Variants in NSUN6 observed in about 807,000 individuals in gnomAD.
The protein encoded by NSUN6 is tRNA (cytosine(72)-C(5))-methyltransferase NSUN6.
In NSUN6, 64 loss-of-function variants were observed where a neutral mutation model predicts 58.0. The observed-to-expected ratio is 1.10, with a 90% CI of 0.90 to 1.36. The LOEUF is 1.36. Ranked by LOEUF, NSUN6 falls within the 40% of genes most tolerant of loss-of-function variation. The probability of loss-of-function intolerance (pLI) is 0.00; values close to 1 mark genes in which losing one functional copy is unlikely to be tolerated. For synonymous variants in NSUN6, 231 were observed against 193.9 expected, an observed-to-expected ratio of 1.19 and a Z score of -1.59; for missense variants, 701 against 550.1, an observed-to-expected ratio of 1.27 and a Z score of -2.74.
chr10:18,654,269 A>C (rs140598036), upstream of NSUN6, among the ~76,000 whole-genome samples: 18 of 152,056 alleles, frequency 1.2e-4, no homozygotes, highest in Admixed American at 8.5e-4. Flanking sequence ...CTAGACAGTT[A>C]ACTAATTTCT....
intron 3 of NSUN6, among the ~76,000 whole-genome samples, chr10:18,629,838 A>G (rs2058964424): frequency 6.7e-6 from 1 of 148,558 alleles, no homozygotes; most frequent in Admixed American, 6.7e-5. Context: ...AACATTACAC[A>G]GATCAACGAG....
Position 18,651,328 on chromosome 10 carries a change from C to T in NSUN6, c.-125G>A, listed in dbSNP as rs920695391. On this transcript the variant is annotated 5_prime_UTR_variant, in exon 1 of 11. Coordinates refer to ENST00000377304, the MANE Select transcript of NSUN6 (RefSeq NM_182543.5). ...AGATGCTGAGGAAAATCTTGCCGAT[C>T]ACGCTGAGTTAATTTCGGAAATGCA... is the stretch of plus-strand genomic sequence containing the variant. 3.5e-5 allele frequency: 49 copies of T among 1,407,460 alleles called. No individual in the cohort carries two copies. The highest frequency in any genetic ancestry group is 4.3e-5 in the Non-Finnish European group (47 of 1,086,490). 87.2% of individuals were successfully genotyped at this position (1,407,460 alleles called of 1,614,324 possible).
At chr10:18,621,112 C>A (rs1301342044) in intron 3 of NSUN6, among the ~76,000 whole-genome samples, 1 of 152,174 alleles carries the variant, frequency 6.6e-6, no homozygotes, top group Non-Finnish European at 1.5e-5. Context: ...ATTGAACAAA[C>A]TATGATTTAT....
chr10:18,610,277 G>A (rs768423505), intron 5 of NSUN6, among the ~76,000 whole-genome samples: 11 of 152,142 alleles, frequency 7.2e-5, no homozygotes, highest in Non-Finnish European at 1.2e-4. Flanking sequence ...GAACCTGGGA[G>A]GCAGAGGTTG....
At chr10:18,549,434 G>A (rs2054474370) in intron 9 of NSUN6, among the ~76,000 whole-genome samples, 1 of 152,184 alleles carries the variant, frequency 6.6e-6, no homozygotes, top group East Asian at 1.9e-4. Flanking sequence ...CTGTAGATTT[G>A]CAACTATTCC....
chr10:18,609,787 A>G (rs1004440992), intron 6 of NSUN6, 58 bp downstream of exon 6: 1 of 924,226 alleles, frequency 1.1e-6, no homozygotes, highest in Non-Finnish European at 1.7e-6. Flanking sequence ...TAGATTTCAA[A>G]TAATTCACTG....
chr10:18,547,239 T>C (rs1282339426), intron 10 of NSUN6, among the ~76,000 whole-genome samples: 2 of 152,228 alleles, frequency 1.3e-5, no homozygotes, highest in East Asian at 1.9e-4. Context: ...TTAATGAAGA[T>C]AGGTTTTCAG....
intron 8 of NSUN6, among the ~76,000 whole-genome samples, chr10:18,553,815 T>C (rs564752548): frequency 6.9e-6 from 1 of 145,486 alleles, no homozygotes; most frequent in Admixed American, 6.8e-5. Flanking sequence ...TGGAATGCAA[T>C]GGAGAATAGA....
At chr10:18,566,278 A>G (rs1421926202) in intron 8 of NSUN6, among the ~76,000 whole-genome samples, 3 of 125,666 alleles carry the variant, frequency 2.4e-5, no homozygotes, top group African/African-American at 8.6e-5. Context: ...ATTCCATTCC[A>G]TTCTCCATCC....
intron 8 of NSUN6, among the ~76,000 whole-genome samples, chr10:18,576,481 T>A (rs983268945): frequency 1.3e-5 from 2 of 152,192 alleles, no homozygotes; most frequent in Admixed American, 6.5e-5. Context: ...AAGGATGGAC[T>A]GCCCCAAAAG....
At chr10:18,580,751 C>A (rs1396979071) in intron 8 of NSUN6, among the ~76,000 whole-genome samples, 1 of 152,084 alleles carries the variant, frequency 6.6e-6, no homozygotes, top group Non-Finnish European at 1.5e-5. Context: ...AGAGGTTTTA[C>A]CCAAGATGCA....
chr10:18,648,761 T>C (rs1465400097), intron 1 of NSUN6, 116 bp from the exon 2 acceptor site: 1 of 617,098 alleles, frequency 1.6e-6, no homozygotes, highest in Admixed American at 2.8e-5. Flanking sequence ...CTCCATTCTA[T>C]TTTGCTGTAT....
chr10:18,632,984 T>G (rs1393489899), intron 3 of NSUN6, among the ~76,000 whole-genome samples: 2 of 151,948 alleles, frequency 1.3e-5, no homozygotes, highest in Admixed American at 1.3e-4. Context: ...TTATTCACAA[T>G]AGCAAAGACT....
chr10:18,618,319 T>C (rs769761169), intron 3 of NSUN6, among the ~76,000 whole-genome samples: 4 of 152,200 alleles, frequency 2.6e-5, no homozygotes, highest in Admixed American at 1.3e-4. Context: ...TAGAAATTCA[T>C]GGTCATTACA....
In NSUN6 at chr10:18,587,017, GTA is replaced by G. The variant is rs546489921; in HGVS notation, c.778-926_778-925del. Among the ~76,000 whole-genome samples the G allele has an allele frequency of 4.1e-4, 63 of 152,286 alleles. No homozygotes were observed. The South Asian group carries it at 0.013, about 31-fold the overall frequency. ...AAGTCCAGTTGGCTTCACCTCTCAT[GTA>G]TATCCAATTCACATTAAATACTTAT... is the stretch of plus-strand genomic sequence containing the variant. On this transcript the variant is annotated intron_variant, in intron 7 of 10. Coordinates refer to ENST00000377304, the MANE Select transcript of NSUN6 (RefSeq NM_182543.5).
At chr10:18,632,055 A>C (rs2059049731) in intron 3 of NSUN6, among the ~76,000 whole-genome samples, 1 of 150,526 alleles carries the variant, frequency 6.6e-6, no homozygotes, top group African/African-American at 2.4e-5. Flanking sequence ...ACCAAAACAG[A>C]GATATAGATC....
intron 7 of NSUN6, among the ~76,000 whole-genome samples, chr10:18,587,991 A>G (rs1286362959): frequency 6.6e-6 from 1 of 152,144 alleles, no homozygotes; most frequent in Non-Finnish European, 1.5e-5. Flanking sequence ...AGTAGGTCCC[A>G]CTGTCACGGA....
chr10:18,603,618 C>T (rs538101286), intron 6 of NSUN6, among the ~76,000 whole-genome samples: 224 of 151,632 alleles, frequency 1.5e-3, no homozygotes, highest in Non-Finnish European at 2.1e-3. Context: ...TTACAGGCAC[C>T]GCCACCATGC....
At chr10:18,580,490 G>A (rs2056856040) in intron 8 of NSUN6, among the ~76,000 whole-genome samples, 2 of 152,156 alleles carry the variant, frequency 1.3e-5, no homozygotes, top group African/African-American at 2.4e-5. Context: ...TATAATTCCA[G>A]ATAAGAGCCA....
Sources: gnomAD v4.1 joint callset for allele counts (sites outside exome capture counted in the v4.1 genomes callset) on GRCh38, gnomAD v4.1.1 for gene constraint, MANE v1.5 for transcripts, NCBI Gene and HGNC (gene_info 2026-07-23, HGNC 2026-07-21) for gene names.